Variants in FOXN3 observed in about 807,000 individuals in gnomAD.
The protein encoded by FOXN3 is forkhead box protein N3.
A neutral mutation model predicts 38.4 loss-of-function variants in FOXN3; 7 were observed. The observed-to-expected ratio is 0.18, with a 90% CI of 0.10 to 0.34. The LOEUF is 0.34. Ranked by LOEUF, FOXN3 falls within the 10% of genes least tolerant of loss-of-function variation. The pLI is 1.00. For synonymous variants in FOXN3, 230 were observed against 242.2 expected (o/e 0.95, Z 0.47); for missense variants, 456 against 613.4 (o/e 0.74, Z 2.71).
chr14:89,316,183 C>A (rs1235354210), intron 3 of FOXN3, among the ~76,000 whole-genome samples: 1 of 152,150 alleles, frequency 6.6e-6, no homozygotes, highest in Non-Finnish European at 1.5e-5. Flanking sequence ...GCTGGGAACC[C>A]TTCTGCCATC....
intron 1 of FOXN3, among the ~76,000 whole-genome samples, chr14:89,531,155 A>G (rs1355870418): frequency 2.7e-5 from 4 of 149,874 alleles, no homozygotes; most frequent in African/African-American, 2.4e-5. Context: ...ATATATACAC[A>G]TATATATATG....
At chr14:89,349,245 G>A (rs886968618) in intron 3 of FOXN3, among the ~76,000 whole-genome samples, 1 of 152,126 alleles carries the variant, frequency 6.6e-6, no homozygotes, top group African/African-American at 2.4e-5. Flanking sequence ...CAAGCATATG[G>A]CTCTGTCCTT....
At chr14:89,308,424 T>A (rs1887439705) in intron 3 of FOXN3, among the ~76,000 whole-genome samples, 1 of 152,264 alleles carries the variant, frequency 6.6e-6, no homozygotes, top group Non-Finnish European at 1.5e-5. Flanking sequence ...ATGCACGCAC[T>A]TGCTGTGGCC....
intron 1 of FOXN3, among the ~76,000 whole-genome samples, chr14:89,594,608 A>C (rs1896021469): frequency 6.6e-6 from 1 of 152,220 alleles, no homozygotes; most frequent in African/African-American, 2.4e-5. Flanking sequence ...CATATCCTTC[A>C]TATAAGCCTT....
chr14:89,508,322 C>T (rs1893991378), intron 1 of FOXN3, among the ~76,000 whole-genome samples: 1 of 152,140 alleles, frequency 6.6e-6, no homozygotes, highest in Non-Finnish European at 1.5e-5. Flanking sequence ...ACAGAGAAGG[C>T]AGCACCGTTC....
At chr14:89,390,293 TTCTCTCTCTCTC>T (rs71130070) in intron 2 of FOXN3, among the ~76,000 whole-genome samples, 2 of 139,944 alleles carry the variant, frequency 1.4e-5, no homozygotes, top group Non-Finnish European at 3.1e-5. Flanking sequence ...CTCGTTCTCT[TTCTCTCTCTCTC>T]TCTCTCTCTA....
chr14:89,488,088 CTT>C (rs35977508), intron 1 of FOXN3, among the ~76,000 whole-genome samples: 297 of 137,504 alleles, frequency 2.2e-3, no homozygotes, highest in African/African-American at 6.1e-3. Context: ...AGGGGCTCTT[CTT>C]TTTTTTTTTT....
At chr14:89,383,029 GTTTTTTTTTTTT>G (rs57032907) in intron 2 of FOXN3, among the ~76,000 whole-genome samples, 26 of 92,516 alleles carry the variant, frequency 2.8e-4, no homozygotes, top group Non-Finnish European at 4.8e-4. Context: ...TTTGGGTGGT[GTTTTTTTTTTTT>G]TTTTTTTTTT....
At chr14:89,509,752 GA>G (rs1482239408) in intron 1 of FOXN3, among the ~76,000 whole-genome samples, 1 of 152,238 alleles carries the variant, frequency 6.6e-6, no homozygotes, top group African/African-American at 2.4e-5. Context: ...GCTGAATGAA[GA>G]AAGAGTTTAA....
chr14:89,237,136 GA>G (rs35535647), intron 4 of FOXN3, among the ~76,000 whole-genome samples: 1 of 150,518 alleles, frequency 6.6e-6, no homozygotes, highest in African/African-American at 2.4e-5. Context: ...TCATTTCAGG[GA>G]AAAAAAAACA....
chr14:89,490,758 G>A lies in FOXN3; in HGVS notation c.-14-78268C>T, dbSNP rs139163968. On this transcript the variant is annotated intron_variant, in intron 1 of 6. Transcript: ENST00000345097. ...TGGTGCTGTGACAGACACAGCCTTC[G>A]GAATCTCAGCAGCCAACAGATTCCT... 7.7e-4 allele frequency among the ~76,000 whole-genome samples: 118 copies of A among 152,276 alleles called. 1 individual carries two copies. Among genetic ancestry groups the A allele is most frequent in the Middle Eastern group, 3.4e-3 (1 of 294 alleles).
intron 5 of FOXN3, among the ~76,000 whole-genome samples, chr14:89,174,307 C>T (rs188410837): frequency 8.5e-4 from 130 of 152,274 alleles, no homozygotes; most frequent in African/African-American, 3.0e-3. Context: ...ATTCTGCAAT[C>T]TGGCAGATGC....
At chr14:89,206,476 G>A (rs895798124) in intron 4 of FOXN3, among the ~76,000 whole-genome samples, 4 of 152,310 alleles carry the variant, frequency 2.6e-5, no homozygotes, top group African/African-American at 9.6e-5. Context: ...ACAGACCCAG[G>A]CAGATTGGAA....
chr14:89,572,657 G>C (rs960938013), intron 1 of FOXN3, among the ~76,000 whole-genome samples: 8 of 152,204 alleles, frequency 5.3e-5, no homozygotes, highest in Non-Finnish European at 7.3e-5. Context: ...AATAAAAATA[G>C]AACTCTGACA....
At chr14:89,471,338 G>A (rs8019198) in intron 1 of FOXN3, among the ~76,000 whole-genome samples, 13,370 of 152,148 alleles carry the variant, frequency 0.088, 639 homozygotes, top group Middle Eastern at 0.13. Context: ...GTGGTGGCTC[G>A]TGCCTGTAGT....
chr14:89,432,623 T>A (rs1194772529), intron 1 of FOXN3, among the ~76,000 whole-genome samples: 1 of 152,100 alleles, frequency 6.6e-6, no homozygotes, highest in Non-Finnish European at 1.5e-5. Context: ...GATCCCCATG[T>A]CCCTCTGGCC....
chr14:89,281,513 C>T (rs188780595), intron 3 of FOXN3, among the ~76,000 whole-genome samples: 58 of 152,272 alleles, frequency 3.8e-4, no homozygotes, highest in East Asian at 1.9e-4. Context: ...TTTCCTCCTT[C>T]CCCCTCTTCT....
chr14:89,429,007 A>G (rs778276053), intron 1 of FOXN3, among the ~76,000 whole-genome samples: 1 of 152,158 alleles, frequency 6.6e-6, no homozygotes, highest in Non-Finnish European at 1.5e-5. Context: ...TGTCTTCCCC[A>G]CATACCAGCC....
intron 3 of FOXN3, among the ~76,000 whole-genome samples, chr14:89,337,095 GT>G (rs1888483630): frequency 6.6e-6 from 1 of 152,180 alleles, no homozygotes; most frequent in African/African-American, 2.4e-5. Flanking sequence ...TCCTTAGGTA[GT>G]CAGGCCATGG....
Sources: gnomAD v4.1 joint callset for allele counts (sites outside exome capture counted in the v4.1 genomes callset) on GRCh38, gnomAD v4.1.1 for gene constraint, MANE v1.5 for transcripts, NCBI Gene and HGNC (gene_info 2026-07-23, HGNC 2026-07-21) for gene names.